ASIC2: variants seen among roughly 807,000 people sequenced by gnomAD.
ASIC2 encodes the protein acid-sensing ion channel 2.
ASIC2 carries 25 observed loss-of-function variants against 57.3 expected under a neutral mutation model. The observed-to-expected ratio is 0.44, with a 90% confidence interval of 0.32 to 0.61. The LOEUF (loss-of-function observed/expected upper bound fraction) is 0.61. Among genes scored for constraint, ASIC2 ranks in the 20% least tolerant of loss-of-function variants. The pLI, the probability that ASIC2 is intolerant of heterozygous loss-of-function variation, is 0.06. For missense variants in ASIC2, 641 were observed against 738.1 expected (o/e 0.87, Z 1.52); for synonymous variants, 319 against 307.5 (o/e 1.04, Z -0.39).
chr17:33,561,995 G>A (rs572711174), intron 1 of ASIC2, among the ~76,000 whole-genome samples: 1 of 152,270 alleles, frequency 6.6e-6, no homozygotes. Context: ...TCACTTCCCA[G>A]ACTTCTCGGG....
intron 1 of ASIC2, among the ~76,000 whole-genome samples, chr17:33,541,093 T>A (rs1915395482): frequency 6.6e-6 from 1 of 152,110 alleles, no homozygotes; most frequent in Non-Finnish European, 1.5e-5. Context: ...AATCAATGAC[T>A]TATTTGTGTG....
At chr17:33,046,730 T>C (rs940919361) in intron 3 of ASIC2, among the ~76,000 whole-genome samples, 2 of 152,200 alleles carry the variant, frequency 1.3e-5, no homozygotes. Flanking sequence ...AGCCCCTGCA[T>C]GGGTGGCAAC....
At chr17:33,811,043 C>T (rs565974996) in intron 1 of ASIC2, among the ~76,000 whole-genome samples, 3 of 152,282 alleles carry the variant, frequency 2.0e-5, no homozygotes, top group South Asian at 2.1e-4. Context: ...GGTATGTAAA[C>T]GGCATGGGCC....
At chr17:33,948,466 C>T (rs1194582322) in intron 1 of ASIC2, among the ~76,000 whole-genome samples, 1 of 152,190 alleles carries the variant, frequency 6.6e-6, no homozygotes, top group African/African-American at 2.4e-5. Flanking sequence ...CTTAAGGTCA[C>T]CTAATCCTCC....
intron 1 of ASIC2, among the ~76,000 whole-genome samples, chr17:33,573,786 G>T (rs1353310193): frequency 1.3e-5 from 2 of 152,078 alleles, no homozygotes; most frequent in Admixed American, 1.3e-4. Flanking sequence ...GGCTGGTCTC[G>T]AACTCCTGAC....
At chr17:33,429,600 C>T (rs1911338856) in intron 1 of ASIC2, among the ~76,000 whole-genome samples, 1 of 152,078 alleles carries the variant, frequency 6.6e-6, no homozygotes, top group African/African-American at 2.4e-5. Context: ...CTGTGTTAGC[C>T]AGGATGGTCT....
chr17:34,105,701 T>C (rs528587074), intron 1 of ASIC2, among the ~76,000 whole-genome samples: 3 of 152,060 alleles, frequency 2.0e-5, no homozygotes, highest in Non-Finnish European at 4.4e-5. Context: ...ATATTCTTTG[T>C]ACAGATTCAC....
At chr17:33,977,567 T>C (rs1371038625) in intron 1 of ASIC2, among the ~76,000 whole-genome samples, 1 of 152,234 alleles carries the variant, frequency 6.6e-6, no homozygotes, top group Non-Finnish European at 1.5e-5. Flanking sequence ...GGCCTTGTGC[T>C]TGTTTGAAGG....
At chr17:33,160,770 TGCAA>T (rs1363696980) in intron 1 of ASIC2, among the ~76,000 whole-genome samples, 2 of 152,180 alleles carry the variant, frequency 1.3e-5, no homozygotes, top group Admixed American at 1.3e-4. Flanking sequence ...CCAAACAGAC[TGCAA>T]GCTTCTCTGT....
At chr17:34,095,640 T>C (rs1051948381) in intron 1 of ASIC2, among the ~76,000 whole-genome samples, 2 of 135,722 alleles carry the variant, frequency 1.5e-5, no homozygotes, top group Admixed American at 7.5e-5. Context: ...ATTTTATATA[T>C]ATATATATAT....
At position 33,937,226 on chromosome 17, in the gene ASIC2, C is replaced by T. The variant is rs535465313; in HGVS notation, c.555+218752G>A. ...AAGTGATTCTCCTGCCTCAGCCTCC[C>T]AATTAGCTGGGATTACACTCACGTG... On this transcript the variant is annotated intron_variant, in intron 1 of 9. Transcript: ENST00000359872. 3.9e-5 allele frequency among the ~76,000 whole-genome samples: 6 copies of T among 152,272 alleles called. No individual in the cohort carries two copies. The South Asian group carries it at 1.2e-3, about 32-fold the overall frequency.
chr17:33,559,926 A>T (rs999901425), intron 1 of ASIC2, among the ~76,000 whole-genome samples: 5 of 152,216 alleles, frequency 3.3e-5, no homozygotes, highest in Non-Finnish European at 5.9e-5. Flanking sequence ...ATAAAATAGT[A>T]TGGAGAATAG....
upstream of ASIC2, among the ~76,000 whole-genome samples, chr17:33,295,861 G>T (rs909139708): frequency 2.0e-5 from 3 of 152,122 alleles, no homozygotes; most frequent in African/African-American, 7.2e-5. Flanking sequence ...TACACTATTT[G>T]TTTTTTAGGG....
At chr17:33,707,158 T>C (rs944380735) in intron 1 of ASIC2, among the ~76,000 whole-genome samples, 17 of 152,234 alleles carry the variant, frequency 1.1e-4, no homozygotes, top group African/African-American at 4.1e-4. Flanking sequence ...ATGTATGTGA[T>C]CTTCCTCTGA....
chr17:34,051,012 C>CT (rs1443202469), intron 1 of ASIC2, among the ~76,000 whole-genome samples: 1 of 152,326 alleles, frequency 6.6e-6, no homozygotes, highest in East Asian at 1.9e-4. Flanking sequence ...CCTGCTCTCT[C>CT]TGCTGCTGAT....
intron 1 of ASIC2, among the ~76,000 whole-genome samples, chr17:34,026,297 A>T (rs1907377130): frequency 6.6e-6 from 1 of 152,198 alleles, no homozygotes; most frequent in Non-Finnish European, 1.5e-5. Context: ...GCCCTGCAGC[A>T]GCTAGAAGGT....
intron 1 of ASIC2, among the ~76,000 whole-genome samples, chr17:33,926,594 G>T (rs755518755): frequency 6.6e-6 from 1 of 152,196 alleles, no homozygotes; most frequent in Non-Finnish European, 1.5e-5. Flanking sequence ...TGGTTGCTTT[G>T]TGCCACCATT....
chr17:34,096,155 G>A (rs980996346), intron 1 of ASIC2, among the ~76,000 whole-genome samples: 1 of 152,068 alleles, frequency 6.6e-6, no homozygotes, highest in Non-Finnish European at 1.5e-5. Flanking sequence ...ACACCCTCCA[G>A]CCCTAACAAA....
rs139661421 is a variant in ASIC2 at position 33,821,243 on chromosome 17, C to T, written c.555+334735G>A. ...TTTACTGAATGTGTTTCTATTCTTC[C>T]GTTGTCCCACCCCTCAAATACCTAG... On this transcript the variant is annotated intron_variant, in intron 1 of 9. Coordinates refer to the ASIC2 transcript ENST00000359872. Among the ~76,000 whole-genome samples, 264 of 152,202 alleles carry T rather than the reference C, an allele frequency of 1.7e-3. 1 individual carries two copies. The highest frequency in any genetic ancestry group is 5.6e-3 in the African/African-American group (231 of 41,506).
Sources: allele counts gnomAD v4.1 joint callset (sites outside exome capture counted in the v4.1 genomes callset), GRCh38; gene constraint gnomAD v4.1.1; transcripts MANE v1.5; gene names NCBI Gene and HGNC (gene_info 2026-07-23, HGNC 2026-07-21).